PEX5L: variants seen among roughly 807,000 people sequenced by gnomAD.
PEX5L encodes peroxisomal biogenesis factor 5 like.
PEX5L carries 30 observed loss-of-function variants against 84.0 expected under a neutral mutation model. That is an observed-to-expected ratio of 0.36 (90% CI 0.27 to 0.48). The LOEUF is 0.48. PEX5L is among the 20% of genes least tolerant of loss of function. PEX5L has a pLI of 0.99. For missense variants in PEX5L, 533 were observed against 754.6 expected (o/e 0.71, Z 3.44); for synonymous variants, 270 against 283.1 (o/e 0.95, Z 0.46).
intron 4 of PEX5L, among the ~76,000 whole-genome samples, chr3:179,886,168 A>C (rs569468557): frequency 1.3e-5 from 2 of 152,320 alleles, no homozygotes; most frequent in Admixed American, 1.3e-4. Flanking sequence ...TTTGCAGTGC[A>C]TACAATTCTC....
rs1347655015 is a variant in PEX5L, at chr3:180,024,461, C to T, written c.21+12118G>A. Among the ~76,000 whole-genome samples, 6 of 146,436 alleles carry T rather than the reference C, an allele frequency of 4.1e-5. No individual in the cohort carries two copies. The East Asian group carries it at 8.0e-4, about 19-fold the overall frequency. On this transcript the variant is annotated intron_variant, in intron 1 of 14. Transcript: ENST00000467460. ...TCAGGAGGCTGAGGCAGGAGAATGG[C>T]GTGAACCCAGGAGGCGGAGCTTGCA...
In PEX5L at chr3:179,801,880, G is replaced by A; in HGVS notation, c.1829C>T (p.Ala610Val). The A allele has an allele frequency of 6.2e-7, 1 of 1,614,120 alleles. No individual in the cohort carries two copies. The part of the protein sequence containing the change: ...LMDQPELFQA[A>V]NLGDLDVLLR... ...GAGGACATCCAGGTCACCAAGATTAGCCGCCTGGAAGAGTTCTGGTTGGTC... is the reference window on the plus strand; with the variant it reads ...GAGGACATCCAGGTCACCAAGATTAACCGCCTGGAAGAGTTCTGGTTGGTC... The change falls in exon 15 of 15, where the codon GCT (alanine) becomes GTT (valine). Residue 610 changes from alanine to valine, a missense_variant. Coordinates refer to ENST00000467460, the MANE Select transcript of PEX5L (RefSeq NM_016559.3).
chr3:179,823,558 G>C (rs1256641701), intron 8 of PEX5L, among the ~76,000 whole-genome samples: 1 of 152,016 alleles, frequency 6.6e-6, no homozygotes, highest in Non-Finnish European at 1.5e-5. Context: ...ATTTTCTATT[G>C]CTAGCATACG....
chr3:179,840,137 G>T (rs547984442), intron 8 of PEX5L, among the ~76,000 whole-genome samples: 2 of 149,510 alleles, frequency 1.3e-5, no homozygotes, highest in African/African-American at 4.9e-5. Flanking sequence ...TATTTGTAAT[G>T]GAAAACTATC....
intron 1 of PEX5L, among the ~76,000 whole-genome samples, chr3:180,035,143 TGTTTTACCCTTGTGAA>T (rs1791786583): frequency 6.6e-6 from 1 of 152,198 alleles, no homozygotes; most frequent in Non-Finnish European, 1.5e-5. Flanking sequence ...AAAATCTTCC[TGTTTTACCCTTGTGAA>T]GAAACTGTTT....
intron 8 of PEX5L, among the ~76,000 whole-genome samples, chr3:179,845,573 T>C (rs905841327): frequency 6.6e-6 from 1 of 152,206 alleles, no homozygotes; most frequent in Admixed American, 6.5e-5. Flanking sequence ...GAAAAATATA[T>C]TTCCAACCAA....
At chr3:179,917,555 A>C (rs939805742) in intron 2 of PEX5L, among the ~76,000 whole-genome samples, 8 of 152,216 alleles carry the variant, frequency 5.3e-5, no homozygotes, top group African/African-American at 1.9e-4. Context: ...GAGCTATGAC[A>C]TTAGCACTGC....
intron 1 of PEX5L, among the ~76,000 whole-genome samples, chr3:180,033,973 C>G (rs1468881619): frequency 6.6e-6 from 1 of 152,154 alleles, no homozygotes; most frequent in Non-Finnish European, 1.5e-5. Context: ...TTTTAAAAGT[C>G]TGCGGTTTCT....
intron 8 of PEX5L, among the ~76,000 whole-genome samples, chr3:179,829,125 A>G (rs1346143921): frequency 6.6e-6 from 1 of 152,240 alleles, no homozygotes; most frequent in Non-Finnish European, 1.5e-5. Context: ...GAAACATGAA[A>G]AAATGAAAAC....
intron 2 of PEX5L, among the ~76,000 whole-genome samples, chr3:179,906,057 A>T (rs1057444349): frequency 1.3e-5 from 2 of 152,248 alleles, no homozygotes; most frequent in African/African-American, 4.8e-5. Context: ...GCACCTAAAT[A>T]AAAATTCATT....
intron 2 of PEX5L, among the ~76,000 whole-genome samples, chr3:179,954,038 G>A (rs533154538): frequency 1.3e-5 from 2 of 152,206 alleles, no homozygotes; most frequent in African/African-American, 4.8e-5. Flanking sequence ...TCTCAATGTC[G>A]TTAATTCTAT....
chr3:179,909,593 T>A (rs1764466878), intron 2 of PEX5L, among the ~76,000 whole-genome samples: 1 of 152,208 alleles, frequency 6.6e-6, no homozygotes, highest in African/African-American at 2.4e-5. Flanking sequence ...TTGGGATTAA[T>A]AACTGTCAGG....
intron 4 of PEX5L, among the ~76,000 whole-genome samples, chr3:179,883,613 G>A (rs1458186359): frequency 2.0e-5 from 3 of 152,038 alleles, no homozygotes; most frequent in South Asian, 2.1e-4. Context: ...GAGAAACCCC[G>A]TCTCTACTAA....
At chr3:179,905,087 A>G (rs1762683065) in intron 2 of PEX5L, among the ~76,000 whole-genome samples, 1 of 152,156 alleles carries the variant, frequency 6.6e-6, no homozygotes, top group Non-Finnish European at 1.5e-5. Flanking sequence ...AGCAGCTTTC[A>G]TCTTGTAGTT....
At chr3:179,880,734 A>G (rs190575174) in intron 4 of PEX5L, among the ~76,000 whole-genome samples, 60 of 152,388 alleles carry the variant, frequency 3.9e-4, no homozygotes, top group Admixed American at 2.0e-3. Flanking sequence ...GTAACTAACT[A>G]TAAAACTGTT....
At chr3:179,911,051 C>A (rs1764995819) in intron 2 of PEX5L, among the ~76,000 whole-genome samples, 1 of 152,126 alleles carries the variant, frequency 6.6e-6, no homozygotes, top group African/African-American at 2.4e-5. Context: ...GGAGTACAAC[C>A]AGGTAGCGCA....
intron 1 of PEX5L, among the ~76,000 whole-genome samples, chr3:180,006,709 T>G (rs891834475): frequency 2.6e-5 from 4 of 152,184 alleles, no homozygotes; most frequent in African/African-American, 9.7e-5. Flanking sequence ...TTCTTACATT[T>G]TGGCAGCAAG....
intron 1 of PEX5L, among the ~76,000 whole-genome samples, chr3:180,002,148 AT>A (rs1788483596): frequency 1.3e-5 from 2 of 152,180 alleles, no homozygotes; most frequent in African/African-American, 4.8e-5. Flanking sequence ...AAATACGAGC[AT>A]TCCTTTGGTT....
At chr3:179,926,923 G>A (rs1041486632) in intron 2 of PEX5L, among the ~76,000 whole-genome samples, 1 of 152,130 alleles carries the variant, frequency 6.6e-6, no homozygotes, top group Non-Finnish European at 1.5e-5. Flanking sequence ...ATTTTAGTGT[G>A]TTTAGGAAAA....
Sources: gnomAD v4.1 joint callset for allele counts (sites outside exome capture counted in the v4.1 genomes callset) on GRCh38, gnomAD v4.1.1 for gene constraint, MANE v1.5 for transcripts, NCBI Gene and HGNC (gene_info 2026-07-23, HGNC 2026-07-21) for gene names.